The following FBN2 variants were observed in gnomAD, a reference collection of about 807,000 sequenced individuals.
FBN2 encodes fibrillin 2.
A neutral mutation model predicts 355.6 loss-of-function variants in FBN2; 105 were observed. The ratio of observed to expected loss-of-function variants is 0.30; its 90% CI spans 0.25 to 0.35. FBN2 has a LOEUF of 0.35. Ranked by LOEUF, FBN2 falls within the 10% of genes least tolerant of loss-of-function variation. The pLI is 1.00. For synonymous variants in FBN2, 1,350 were observed against 1,301.2 expected, an observed-to-expected ratio of 1.04 and a Z score of -0.81; for missense variants, 3,280 against 3,758.7, an observed-to-expected ratio of 0.87 and a Z score of 3.33.
intron 11 of FBN2, among the ~76,000 whole-genome samples, chr5:128,389,838 C>T (rs1248234752): frequency 6.6e-6 from 1 of 152,146 alleles, no homozygotes; most frequent in African/African-American, 2.4e-5. Flanking sequence ...GAAGGCTTCC[C>T]AGCTTCCTCC....
chr5:128,385,305 G>A (rs960820453), intron 11 of FBN2, among the ~76,000 whole-genome samples: 1 of 152,070 alleles, frequency 6.6e-6, no homozygotes, highest in African/African-American at 2.4e-5. Flanking sequence ...AGAACATATG[G>A]TATTTGGTTT....
chr5:128,293,428 G>T (rs1055955709), intron 48 of FBN2, among the ~76,000 whole-genome samples: 3 of 151,994 alleles, frequency 2.0e-5, no homozygotes, highest in African/African-American at 7.3e-5. Flanking sequence ...GGAGGTGGGG[G>T]TTGCAGTGAG....
intron 7 of FBN2, among the ~76,000 whole-genome samples, chr5:128,431,161 G>A (rs1408679536): frequency 6.6e-6 from 1 of 152,214 alleles, no homozygotes; most frequent in African/African-American, 2.4e-5. Flanking sequence ...AAGTAAGGTA[G>A]ATCTACAAAG....
intron 25 of FBN2, among the ~76,000 whole-genome samples, chr5:128,342,076 G>A (rs1751037821): frequency 6.6e-6 from 1 of 152,122 alleles, no homozygotes; most frequent in Admixed American, 6.5e-5. Context: ...AAATGTGGGA[G>A]TGAAACTCAG....
intron 8 of FBN2, among the ~76,000 whole-genome samples, chr5:128,397,912 G>T (rs1466367977): frequency 6.6e-6 from 1 of 152,064 alleles, no homozygotes; most frequent in African/African-American, 2.4e-5. Context: ...GTAAGGTAGG[G>T]TTCCAAAGAG....
chr5:128,448,721 T>C (rs991030084), intron 6 of FBN2, among the ~76,000 whole-genome samples: 1 of 152,196 alleles, frequency 6.6e-6, no homozygotes, highest in African/African-American at 2.4e-5. Context: ...ATACTAATTA[T>C]TACTTTAGTT....
Position 128,301,483 on chromosome 5 carries a change from C to A in FBN2, c.5945G>T (p.Gly1982Val). Residue 1982 changes from glycine (G) to valine (V), a missense_variant, in exon 47 of 65, where the codon GGT becomes GTT. Gly to Val is a moderately radical substitution (Grantham distance 109). Transcript: ENST00000262464. ...LDIDECSSFF[G>V]QVCRNGRCFN... is the part of the protein sequence containing the mutation. Reference sequence around the variant, plus strand: ...ACAACGTCCATTTCTGCACACCTGACCAAAAAAGGAACTGCACTCATCTAT... The same window carrying A: ...ACAACGTCCATTTCTGCACACCTGAACAAAAAAGGAACTGCACTCATCTAT... 6.2e-7 allele frequency: 1 copy of A among 1,613,310 alleles called. No individual in the cohort carries two copies. The highest frequency in any genetic ancestry group is 1.1e-5 in the South Asian group (1 of 91,076).
rs755134019 is a variant in FBN2 at position 128,278,674 on chromosome 5, T to G, written c.7306A>C (p.Ile2436Leu). 3.3e-5 allele frequency: 54 copies of G among 1,614,052 alleles called. No homozygotes were observed. Among genetic ancestry groups the G allele is most frequent in the Non-Finnish European group, 4.6e-5 (54 of 1,180,020 alleles). ...GTATATCCTGGGCCATGAGGACATA[T>G]CTTTTTGTACTGGGCAGTTCCAGGA... The part of the protein sequence containing the change: ...PLPGTAQYKK[I>L]CPHGPGYTTD... Residue 2436 changes from isoleucine (I) to leucine (L), a missense_variant, in exon 57 of 65, where the codon ATA (isoleucine) becomes CTA (leucine). By Grantham distance (5) the Ile-to-Leu change is conservative. Around this residue, in one of 6 missense-constraint regions of FBN2, gnomAD observed 2,284 missense variants for 2,749.5 expected, o/e 0.83. Coordinates refer to ENST00000262464, the MANE Select transcript of FBN2 (RefSeq NM_001999.4).
intron 19 of FBN2, among the ~76,000 whole-genome samples, chr5:128,359,559 TAAGGCTGGAGCCAA>T (rs965402922): frequency 4.5e-4 from 69 of 152,120 alleles, no homozygotes; most frequent in Non-Finnish European, 2.4e-4. Context: ...TCCAATGTCA[TAAGGCTGGAGCCAA>T]AAGAGTTGTC....
chr5:128,475,001 A>C (rs1754972639), intron 5 of FBN2, among the ~76,000 whole-genome samples: 1 of 152,212 alleles, frequency 6.6e-6, no homozygotes, highest in Non-Finnish European at 1.5e-5. Context: ...GCTCTTTCCC[A>C]GTTATTTGCT....
chr5:128,348,465 A>G (rs902883545), intron 23 of FBN2, among the ~76,000 whole-genome samples: 1 of 152,140 alleles, frequency 6.6e-6, no homozygotes, highest in Admixed American at 6.5e-5. Flanking sequence ...AAACTGAGTT[A>G]AAAATGAAAT....
chr5:128,368,193 A>C (rs957462249), intron 16 of FBN2, among the ~76,000 whole-genome samples: 1 of 151,950 alleles, frequency 6.6e-6, no homozygotes, highest in Non-Finnish European at 1.5e-5. Flanking sequence ...ATTCTCAACT[A>C]CTGTTAACTT....
intron 6 of FBN2, among the ~76,000 whole-genome samples, chr5:128,453,299 A>T (rs1455152494): frequency 6.6e-6 from 1 of 152,220 alleles, no homozygotes; most frequent in African/African-American, 2.4e-5. Context: ...TAAGAGAGAA[A>T]CTTGGCATGT....
intron 7 of FBN2, among the ~76,000 whole-genome samples, chr5:128,429,821 C>T (rs150219139): frequency 1.6e-4 from 24 of 152,226 alleles, no homozygotes; most frequent in African/African-American, 5.5e-4. Flanking sequence ...AGATGATATG[C>T]TACGAGTTTA....
At chr5:128,326,570 C>G (rs775970256) in intron 34 of FBN2, among the ~76,000 whole-genome samples, 59 of 152,068 alleles carry the variant, frequency 3.9e-4, no homozygotes, top group Non-Finnish European at 7.5e-4. Flanking sequence ...AAATATTCAT[C>G]GGAGGATCAT....
chr5:128,501,514 C>CATAA (rs1755814834), intron 5 of FBN2, among the ~76,000 whole-genome samples: 1 of 152,108 alleles, frequency 6.6e-6, no homozygotes, highest in Non-Finnish European at 1.5e-5. Context: ...ATGTACCATA[C>CATAA]TATAATTTTT....
chr5:128,518,018 T>C (rs1305768850), intron 5 of FBN2, among the ~76,000 whole-genome samples: 2 of 152,206 alleles, frequency 1.3e-5, no homozygotes, highest in African/African-American at 4.8e-5. Flanking sequence ...CTTCTTGATA[T>C]GTCATGAAAC....
intron 7 of FBN2, among the ~76,000 whole-genome samples, chr5:128,428,952 C>T (rs190464550): frequency 2.6e-5 from 4 of 152,248 alleles, no homozygotes; most frequent in Admixed American, 2.0e-4. Context: ...TCTCATTGGC[C>T]CCAGGTTCCT....
At chr5:128,357,568 G>T (rs1473996764) in intron 19 of FBN2, among the ~76,000 whole-genome samples, 173 bp from the exon 20 acceptor site, 1 of 152,174 alleles carries the variant, frequency 6.6e-6, no homozygotes, top group Non-Finnish European at 1.5e-5. Context: ...TTACATCGTG[G>T]ATACACATCT....
Sources: gnomAD v4.1 joint callset for allele counts (sites outside exome capture counted in the v4.1 genomes callset) on GRCh38, gnomAD v4.1.1 for gene constraint, gnomAD v4.1.1 regional missense constraint, MANE v1.5 for transcripts, NCBI Gene and HGNC (gene_info 2026-07-23, HGNC 2026-07-21) for gene names.